Variants in MRPS6 observed in about 807,000 individuals in gnomAD.
MRPS6 encodes the protein mitochondrial ribosomal protein S6.
MRPS6 carries 6 observed loss-of-function variants against 13.1 expected under a neutral mutation model. That is an observed-to-expected ratio of 0.46 (90% confidence interval 0.25 to 0.91). The LOEUF is 0.91. Among genes scored for constraint, MRPS6 ranks in the 40% least tolerant of loss-of-function variants. The pLI, the probability that MRPS6 is intolerant of heterozygous loss-of-function variation, is 0.18. For missense variants in MRPS6, 164 were observed against 155.6 expected (o/e 1.05, Z -0.29); for synonymous variants, 61 against 56.5 (o/e 1.08, Z -0.36).
intron 1 of MRPS6, chr21:34,098,728 A>T (rs1476114812): frequency 5.5e-5 from 55 of 1,000,250 alleles, no homozygotes; most frequent in Non-Finnish European, 6.5e-5. Flanking sequence ...CTCTAACTTG[A>T]CATGGCTTGG....
At chr21:34,123,360 C>T (rs1001018679) in intron 1 of MRPS6, 1 of 152,032 alleles carries the variant, frequency 6.6e-6, no homozygotes, top group South Asian at 2.1e-4. Flanking sequence ...TTAAAATCAC[C>T]CTGCTTGCAC....
At chr21:34,136,345 A>G (rs1980703315) in intron 2 of MRPS6, among the ~76,000 whole-genome samples, 2 of 151,788 alleles carry the variant, frequency 1.3e-5, no homozygotes, top group South Asian at 2.1e-4. Flanking sequence ...GTAGGGTTTC[A>G]CCATGTTGGT....
chr21:34,142,635 C>G lies in MRPS6; in HGVS notation c.*35C>G. 6.5e-7 allele frequency: 1 copy of G among 1,549,112 alleles called. No homozygotes were observed. Among genetic ancestry groups the G allele is most frequent in the Non-Finnish European group, 8.7e-7 (1 of 1,151,150 alleles). On this transcript the variant is annotated 3_prime_UTR_variant, in exon 3 of 3. Coordinates refer to ENST00000399312, the MANE Select transcript of MRPS6 (RefSeq NM_032476.4). The stretch of plus-strand genomic sequence containing the variant: ...CCAGATTTTAGCCTTATATGTAATT[C>G]CTTCACATTTGGGCAGCATGGACGA...
chr21:34,135,774 G>T, intron 2 of MRPS6: 1 of 492,832 alleles, frequency 2.0e-6, no homozygotes. Flanking sequence ...CATACTTGAT[G>T]ATGCGCACAG....
chr21:34,141,589 A>G (rs949428342), intron 2 of MRPS6, among the ~76,000 whole-genome samples: 4 of 152,212 alleles, frequency 2.6e-5, no homozygotes, highest in Admixed American at 2.0e-4. Flanking sequence ...CATAGTTTTA[A>G]CCAGCTAGAA....
At chr21:34,134,136 A>C (rs1569425501) in intron 2 of MRPS6, among the ~76,000 whole-genome samples, 1 of 152,234 alleles carries the variant, frequency 6.6e-6, no homozygotes, top group Non-Finnish European at 1.5e-5. Context: ...CAAAGTAAGT[A>C]ATCAATAATT....
At chr21:34,141,164 A>T (rs187454929) in intron 2 of MRPS6, among the ~76,000 whole-genome samples, 161 of 152,324 alleles carry the variant, frequency 1.1e-3, no homozygotes, top group African/African-American at 3.8e-3. Flanking sequence ...TTTACTCTGG[A>T]CCTGCTCCGT....
intron 1 of MRPS6, chr21:34,105,955 C>T: frequency 3.0e-6 from 3 of 992,602 alleles, no homozygotes; most frequent in Non-Finnish European, 3.6e-6. Context: ...AAATTGTAAA[C>T]ATGTATGATC....
intron 2 of MRPS6, among the ~76,000 whole-genome samples, chr21:34,136,623 T>C (rs1980715254): frequency 1.3e-5 from 2 of 152,248 alleles, no homozygotes. Flanking sequence ...GAAATGTCTG[T>C]TCAAATCTTA....
In MRPS6 at chr21:34,073,581, T is replaced by G. The variant is rs1163463666; in HGVS notation, c.-120T>G. 3 of 840,886 alleles carry G rather than the reference T, an allele frequency of 3.6e-6. No individual in the cohort carries two copies. Among genetic ancestry groups the G allele is most frequent in the Non-Finnish European group, 5.4e-6 (3 of 560,476 alleles). 52.1% of individuals were successfully genotyped at this position (840,886 alleles called of 1,614,324 possible). A position where few individuals can be genotyped will look rare whatever the true frequency, so the allele number is the denominator to read the frequency against. ...CGGGCTCGCGCTCTCGGACCGTGCT[T>G]TCGCCGCCTGGGAGCCGTCCGGCGC... On this transcript the variant is annotated 5_prime_UTR_variant, in exon 1 of 3. Transcript: ENST00000399312.
chr21:34,116,121 A>G (rs1979890084), intron 1 of MRPS6, among the ~76,000 whole-genome samples: 1 of 149,240 alleles, frequency 6.7e-6, no homozygotes, highest in Admixed American at 6.7e-5. Context: ...CAATCCTCCT[A>G]TCTTAGCTTC....
intron 1 of MRPS6, among the ~76,000 whole-genome samples, chr21:34,083,310 A>C (rs1314315879): frequency 1.3e-5 from 2 of 152,200 alleles, no homozygotes; most frequent in African/African-American, 4.8e-5. Context: ...TTCCGTTAGA[A>C]AGGTGCAGAA....
chr21:34,124,656 G>C (rs529635676), intron 1 of MRPS6: 1 of 151,944 alleles, frequency 6.6e-6, no homozygotes, highest in South Asian at 2.1e-4. Context: ...ATCATTTTCC[G>C]GGTGCCTTTC....
At chr21:34,139,927 C>G (rs181828856) in intron 2 of MRPS6, among the ~76,000 whole-genome samples, 10 of 152,224 alleles carry the variant, frequency 6.6e-5, no homozygotes, top group African/African-American at 2.2e-4. Context: ...TTTATGAAAT[C>G]TGTAGTTGTT....
At chr21:34,100,863 C>A in intron 1 of MRPS6, 5 of 1,000,048 alleles carry the variant, frequency 5.0e-6, no homozygotes, top group Non-Finnish European at 6.0e-6. Flanking sequence ...CCAAATAAAG[C>A]GGCTTATTAG....
chr21:34,078,085 C>G (rs28575331), intron 1 of MRPS6, among the ~76,000 whole-genome samples: 1 of 152,162 alleles, frequency 6.6e-6, no homozygotes, highest in Admixed American at 6.6e-5. Flanking sequence ...AGTGAAGTTT[C>G]TGCTGTGTGT....
At chr21:34,085,804 G>A (rs375422179) in intron 1 of MRPS6, among the ~76,000 whole-genome samples, 3 of 152,012 alleles carry the variant, frequency 2.0e-5, no homozygotes, top group Admixed American at 6.6e-5. Context: ...GGGTTTCACC[G>A]TGTTAGCTAG....
chr21:34,122,747 C>T (rs1428525894), intron 1 of MRPS6: 1 of 151,712 alleles, frequency 6.6e-6, no homozygotes, highest in African/African-American at 2.4e-5. Context: ...AGCTGAGACC[C>T]GACTCTTTAT....
At chr21:34,078,287 C>T (rs1989380990) in intron 1 of MRPS6, among the ~76,000 whole-genome samples, 1 of 152,056 alleles carries the variant, frequency 6.6e-6, no homozygotes, top group Admixed American at 6.6e-5. Context: ...CAATGTTATA[C>T]TTTCATTTGG....
Sources: allele counts gnomAD v4.1 joint callset (sites outside exome capture counted in the v4.1 genomes callset), GRCh38; gene constraint gnomAD v4.1.1; transcripts MANE v1.5; gene names NCBI Gene and HGNC (gene_info 2026-07-23, HGNC 2026-07-21).